The following CMTR1 variants were observed in gnomAD, a reference collection of about 807,000 sequenced individuals.
CMTR1 encodes cap methyltransferase 1.
Under a neutral mutation model 107.0 loss-of-function variants are expected in CMTR1, and 39 were observed. That is an observed-to-expected ratio of 0.36 (90% CI 0.28 to 0.48). CMTR1 has a LOEUF of 0.48. Among genes scored for constraint, CMTR1 ranks in the 20% least tolerant of loss-of-function variants. The pLI is 0.99. For missense variants in CMTR1, 672 were observed against 1,064.9 expected, an observed-to-expected ratio of 0.63 and a Z score of 5.14; for synonymous variants, 366 against 379.5, an observed-to-expected ratio of 0.96 and a Z score of 0.41.
At chr6:37,467,739 C>G (rs1000929707) in intron 13 of CMTR1, among the ~76,000 whole-genome samples, 4 of 152,164 alleles carry the variant, frequency 2.6e-5, no homozygotes, top group Admixed American at 2.6e-4. Context: ...TACTCCTTGT[C>G]TGAAAGTCTG....
chr6:37,464,305 A>T (rs1040743625), intron 13 of CMTR1, among the ~76,000 whole-genome samples: 1 of 151,876 alleles, frequency 6.6e-6, no homozygotes, highest in Non-Finnish European at 1.5e-5. Flanking sequence ...CTCTACTAAA[A>T]ATTCAAAAAA....
At chr6:37,424,917 T>C in the CMTR1 span, among the ~76,000 whole-genome samples, 1 of 151,854 alleles carries the variant, frequency 6.6e-6, no homozygotes, top group African/African-American at 2.4e-5. Flanking sequence ...CTTTTGTTTA[T>C]CTGGGAATGT....
rs1761387450 is a variant in CMTR1 at position 37,460,773 on chromosome 6, AT to A, written c.1096-774del. ...AAGTGTTAACAGTAGTGTTAAGTCTATTCACACTGTTGTGCAACAGATTTTC... is the reference window on the plus strand; with the variant it reads ...AAGTGTTAACAGTAGTGTTAAGTCTATCACACTGTTGTGCAACAGATTTTC... On this transcript the variant is annotated intron_variant, in intron 10 of 23. Coordinates refer to ENST00000373451, the MANE Select transcript of CMTR1 (RefSeq NM_015050.3). Among the ~76,000 whole-genome samples the A allele has an allele frequency of 2.0e-5, 3 of 152,176 alleles. No individual in the cohort carries two copies. The South Asian group carries it at 6.2e-4, about 31-fold the overall frequency.
upstream of CMTR1, among the ~76,000 whole-genome samples, chr6:37,432,964 A>G (rs962537799): frequency 6.6e-6 from 1 of 152,278 alleles, no homozygotes; most frequent in Non-Finnish European, 1.5e-5. Flanking sequence ...GATAAGATTA[A>G]GTAAGATGAG....
chr6:37,427,786 A>G, the CMTR1 span, among the ~76,000 whole-genome samples: 1 of 151,996 alleles, frequency 6.6e-6, no homozygotes, highest in Non-Finnish European at 1.5e-5. The surrounding 1 kb of genome is among the most constrained non-coding windows in gnomAD (Gnocchi z 4.4). Context: ...GAATTCTCTT[A>G]GTTTTTCTTC....
At chr6:37,459,504 G>A (rs1043733673) in intron 9 of CMTR1, 62 bp from the exon 10 acceptor site, 9 of 1,410,000 alleles carry the variant, frequency 6.4e-6, no homozygotes, top group African/African-American at 1.4e-5. Flanking sequence ...CAGAGCACTC[G>A]TGTCCCAGCT....
At chr6:37,429,621 G>T (rs1771337110), upstream of CMTR1, among the ~76,000 whole-genome samples, 1 of 152,134 alleles carries the variant, frequency 6.6e-6, no homozygotes, top group South Asian at 2.1e-4. Flanking sequence ...TTGGCAGTTT[G>T]CATCCCCATG....
chr6:37,447,166 A>G (rs754921870), intron 4 of CMTR1, among the ~76,000 whole-genome samples: 4 of 152,240 alleles, frequency 2.6e-5, no homozygotes, highest in Non-Finnish European at 5.9e-5. Flanking sequence ...ATGGAACTCA[A>G]ACATCTAGCT....
intron 3 of CMTR1, among the ~76,000 whole-genome samples, chr6:37,445,482 A>AC (rs1385411636): frequency 1.0e-4 from 12 of 120,374 alleles, no homozygotes; most frequent in South Asian, 5.0e-4. Flanking sequence ...CCCATACCTC[A>AC]CCTTTTTTTT....
In CMTR1 at chr6:37,461,602, G is replaced by A. The variant is rs751099343; in HGVS notation, c.1149G>A (p.Leu383=). 6 of 1,611,786 alleles carry A rather than the reference G, an allele frequency of 3.7e-6. No homozygotes were observed. In the South Asian group the frequency reaches 4.4e-5, roughly 12 times the overall value. The part of the protein sequence containing the change: ...ENLQEILSKQ[L]LLCQFLMALS... ...TGCAGGAGATCCTCAGCAAGCAGCT[G>A]CTTCTGTGTCAGTTCCTCATGGCGC... Residue 383 remains leucine, a synonymous_variant, in exon 11 of 24, where the codon CTG becomes CTA. Coordinates refer to ENST00000373451, the MANE Select transcript of CMTR1 (RefSeq NM_015050.3).
chr6:37,428,354 T>A (rs550413216), upstream of CMTR1, among the ~76,000 whole-genome samples: 1 of 152,322 alleles, frequency 6.6e-6, no homozygotes, highest in African/African-American at 2.4e-5. Context: ...AAGATTGTGA[T>A]TTTTGCAGAG....
rs1188576033 is a variant in CMTR1 at position 37,477,578 on chromosome 6, C to T, written c.2106-14C>T. On this transcript the variant is annotated splice_polypyrimidine_tract_variant and intron_variant, in intron 20 of 23. Coordinates refer to ENST00000373451, the MANE Select transcript of CMTR1 (RefSeq NM_015050.3). Reference sequence around the variant, plus strand: ...CAGGAAGCCTTTGTCTTGTCTCTGTCCCTCTACCTGCAGGGTGAAGGAGGT... The same window carrying T: ...CAGGAAGCCTTTGTCTTGTCTCTGTTCCTCTACCTGCAGGGTGAAGGAGGT... 3.1e-6 allele frequency: 5 copies of T among 1,612,720 alleles called. No individual in the cohort carries two copies. Among genetic ancestry groups the T allele is most frequent in the Non-Finnish European group, 4.2e-6 (5 of 1,178,832 alleles).
At chr6:37,450,397 C>A in intron 5 of CMTR1, 54 bp downstream of exon 5, 1 of 1,338,518 alleles carries the variant, frequency 7.5e-7, no homozygotes, top group Non-Finnish European at 1.1e-6. Context: ...TGACTTTTCA[C>A]TTGCTCGAGT....
chr6:37,463,611 T>G (rs1477431316), intron 13 of CMTR1, among the ~76,000 whole-genome samples: 1 of 152,148 alleles, frequency 6.6e-6, no homozygotes, highest in African/African-American at 2.4e-5. Flanking sequence ...GAGGGTTGTA[T>G]AGTAGTAGTG....
intron 2 of CMTR1, among the ~76,000 whole-genome samples, chr6:37,437,516 C>A (rs1188238683): frequency 4.9e-3 from 576 of 118,200 alleles, no homozygotes; most frequent in Non-Finnish European, 5.5e-3. Flanking sequence ...GAGTCCGTCT[C>A]AAAAAAAAAA....
chr6:37,471,308 A>G (rs1478502961), intron 14 of CMTR1, among the ~76,000 whole-genome samples: 5 of 152,204 alleles, frequency 3.3e-5, no homozygotes, highest in African/African-American at 1.2e-4. Flanking sequence ...AAAAGGATAC[A>G]GGAAAGGTTA....
intron 21 of CMTR1, 138 bp from the exon 22 acceptor site, chr6:37,478,271 C>A: frequency 1.5e-6 from 1 of 687,328 alleles, no homozygotes; most frequent in Non-Finnish European, 2.6e-6. Context: ...TGGCCACCCA[C>A]TCGGCTGTGT....
At chr6:37,439,295 A>C (rs538646743) in intron 2 of CMTR1, among the ~76,000 whole-genome samples, 1 of 152,352 alleles carries the variant, frequency 6.6e-6, no homozygotes, top group South Asian at 2.1e-4. Flanking sequence ...TTTTTGAAGT[A>C]AGGAGAGGCA....
Position 37,480,730 on chromosome 6 carries a change from G to T in CMTR1, c.*585G>T, listed in dbSNP as rs530854990. ...TCCCCCACTCATCCTGGCCTTCCCT[G>T]GAGTTCTTCCTAGCCCAGAGCTCTG... On this transcript the variant is annotated 3_prime_UTR_variant, in exon 24 of 24. Transcript: ENST00000373451. 2.7e-5 allele frequency: 28 copies of T among 1,037,762 alleles called. No individual in the cohort carries two copies. The African/African-American group carries it at 4.7e-4, about 17-fold the overall frequency. The allele number at this position is 1,037,762 out of a possible 1,614,324, so 64.3% of individuals were successfully genotyped here.
Sources: allele counts gnomAD v4.1 joint callset (sites outside exome capture counted in the v4.1 genomes callset), GRCh38; gene constraint gnomAD v4.1.1; non-coding constraint Gnocchi (gnomAD v3.1); transcripts MANE v1.5; gene names NCBI Gene and HGNC (gene_info 2026-07-23, HGNC 2026-07-21).